The following MCUR1 variants were observed in gnomAD, a reference collection of about 807,000 sequenced individuals.
MCUR1 encodes MCU regulator 1.
MCUR1 carries 37 observed loss-of-function variants against 42.0 expected under a neutral mutation model. The ratio of observed to expected loss-of-function variants is 0.88; its 90% CI spans 0.68 to 1.16. The LOEUF (loss-of-function observed/expected upper bound fraction) is 1.16. Among genes scored for constraint, MCUR1 ranks in the 50% most tolerant of loss-of-function variants. The pLI is 0.00. For missense variants in MCUR1, 469 were observed against 468.4 expected, an observed-to-expected ratio of 1.00 and a Z score of -0.01; for synonymous variants, 229 against 196.2, an observed-to-expected ratio of 1.17 and a Z score of -1.40.
intron 1 of MCUR1, 104 bp downstream of exon 1, chr6:13,813,911 T>G (rs1307025102): frequency 4.2e-6 from 5 of 1,176,694 alleles, no homozygotes; most frequent in Non-Finnish European, 5.3e-6. Flanking sequence ...GGACCCGCCC[T>G]CCGGCCTGCC....
At position 13,792,009 on chromosome 6, in the gene MCUR1, A is replaced by C. The variant is rs779772824; in HGVS notation, c.910-17T>G. ...CTGGGCATGCTTTTAAAATGAAGAGAGTCACAGCGTTAGACCACAGCACGT... is the reference window on the plus strand; with the variant it reads ...CTGGGCATGCTTTTAAAATGAAGAGCGTCACAGCGTTAGACCACAGCACGT... On this transcript the variant is annotated splice_polypyrimidine_tract_variant and intron_variant, in intron 7 of 8. Transcript: ENST00000379170. 1.0e-5 allele frequency: 16 copies of C among 1,596,218 alleles called. No homozygotes were observed. Among genetic ancestry groups the C allele is most frequent in the Non-Finnish European group, 1.4e-5 (16 of 1,164,426 alleles).
intron 1 of MCUR1, 143 bp downstream of exon 1, chr6:13,813,872 C>T: frequency 1.1e-6 from 1 of 909,682 alleles, no homozygotes; most frequent in Non-Finnish European, 1.4e-6. Flanking sequence ...CTTCGACCCA[C>T]GCTCCGGGCA....
intron 6 of MCUR1, 88 bp downstream of exon 6, chr6:13,798,745 T>G (rs1381043936): frequency 9.9e-6 from 9 of 904,854 alleles, no homozygotes; most frequent in Non-Finnish European, 1.6e-5. Context: ...TAACAGTACC[T>G]ATGACATGTA....
chr6:13,797,673 A>C (rs1759888134), intron 6 of MCUR1, among the ~76,000 whole-genome samples: 1 of 149,888 alleles, frequency 6.7e-6, no homozygotes, highest in Non-Finnish European at 1.5e-5. Flanking sequence ...ACACCACTGC[A>C]CTCCAGCCTG....
intron 4 of MCUR1, among the ~76,000 whole-genome samples, chr6:13,800,748 C>T (rs754764958): frequency 1.3e-5 from 2 of 152,186 alleles, no homozygotes; most frequent in Non-Finnish European, 2.9e-5. Flanking sequence ...TCTTACAAGG[C>T]TAGGGTCAAC....
Position 13,809,663 on chromosome 6 carries a change from G to A in MCUR1, c.416-2619C>T, listed in dbSNP as rs575549130. On this transcript the variant is annotated intron_variant, in intron 1 of 8. Transcript: ENST00000379170. ...AATTCCAATACTTTGAGAGGCCAAG[G>A]TGGGAAGATCACTTGAGGCCAGGTA... Among the ~76,000 whole-genome samples the A allele has an allele frequency of 5.5e-4, 84 of 151,576 alleles. 1 individual carries two copies. The South Asian group carries it at 0.017, about 30-fold the overall frequency.
Position 13,809,286 on chromosome 6 carries a change from A to ATACTTTAAGTACATTG in MCUR1, c.416-2258_416-2243dup, listed in dbSNP as rs1259932783. 2.0e-5 allele frequency among the ~76,000 whole-genome samples: 3 copies of ATACTTTAAGTACATTG among 152,202 alleles called. No homozygotes were observed. The South Asian group carries it at 6.2e-4, about 32-fold the overall frequency. On this transcript the variant is annotated intron_variant, in intron 1 of 8. Coordinates refer to ENST00000379170, the MANE Select transcript of MCUR1 (RefSeq NM_001031713.4). ...GGAACATTATACTTTAAAGTACATT[A>ATACTTTAAGTACATTG]TACTTTAAGTACATTGTACTTTTTA...
Position 13,814,315 on chromosome 6 carries a change from G to C in MCUR1, c.115C>G (p.Arg39Gly), listed in dbSNP as rs747319989. Reference protein sequence around the residue: ...GRPGGSETSARRCLSALSDGL... With the variant: ...GRPGGSETSAGRCLSALSDGL... ...TCGGAGAGCGCAGAGAGGCAGCGGC[G>C]TGCTGAGGTTTCGCTGCCGCCCGGT... is the stretch of plus-strand genomic sequence containing the variant. The change falls in exon 1 of 9, where the codon CGC becomes GGC. Residue 39 changes from arginine to glycine, a missense_variant. Coordinates refer to ENST00000379170, the MANE Select transcript of MCUR1 (RefSeq NM_001031713.4). 16 of 1,506,200 alleles carry C rather than the reference G, an allele frequency of 1.1e-5. No individual in the cohort carries two copies. Among genetic ancestry groups the C allele is most frequent in the African/African-American group, 1.4e-5 (1 of 69,324 alleles). The allele number at this position is 1,506,200 out of a possible 1,614,324, so 93.3% of individuals were successfully genotyped here.
chr6:13,814,266 C>T lies in MCUR1; in HGVS notation c.164G>A (p.Arg55His), dbSNP rs960507012. The change falls in exon 1 of 9, where the codon CGC becomes CAC. Residue 55 changes from arginine (R) to histidine (H), a missense_variant. By Grantham distance (29) the Arg-to-His change is conservative (BLOSUM62 0). Coordinates refer to ENST00000379170, the MANE Select transcript of MCUR1 (RefSeq NM_001031713.4). The stretch of plus-strand genomic sequence containing the variant: ...CACGCCGCCGCGGGCCGCCGGGGCG[C>T]GAGGGCGCAGCGCCCCCAGACCGTC... ...LSDGLGALRP[R>H]APAARGGVSR... is the part of the protein sequence containing the mutation. 2.7e-6 allele frequency: 4 copies of T among 1,476,710 alleles called. No homozygotes were observed. The African/African-American group carries it at 4.4e-5, about 16-fold the overall frequency. The allele number at this position is 1,476,710 out of a possible 1,614,324, so 91.5% of individuals were successfully genotyped here. A position where few individuals can be genotyped will look rare whatever the true frequency, so the allele number is the denominator to read the frequency against.
chr6:13,814,306 G>A lies in MCUR1; in HGVS notation c.124C>T (p.Leu42Phe), dbSNP rs936480258. 1 of 1,505,186 alleles carries A rather than the reference G, an allele frequency of 6.6e-7. No homozygotes were observed. Among genetic ancestry groups the A allele is most frequent in the Non-Finnish European group, 8.8e-7 (1 of 1,133,204 alleles). 93.2% of individuals were successfully genotyped at this position (1,505,186 alleles called of 1,614,324 possible). A position where few individuals can be genotyped will look rare whatever the true frequency, so the allele number is the denominator to read the frequency against. Residue 42 changes from leucine (L) to phenylalanine (F), a missense_variant, in exon 1 of 9, where the codon CTC becomes TTC. By Grantham distance (22) the Leu-to-Phe change is conservative (BLOSUM62 0). Transcript: ENST00000379170. ...GGSETSARRC[L>F]SALSDGLGAL... ...CCCAGACCGTCGGAGAGCGCAGAGA[G>A]GCAGCGGCGTGCTGAGGTTTCGCTG...
rs1759613364 is a variant in MCUR1 at position 13,786,790 on chromosome 6, T to C, written c.*4019A>G. 1 of 152,208 alleles carries C rather than the reference T, an allele frequency of 6.6e-6. No homozygotes were observed. The highest frequency in any genetic ancestry group is 6.5e-5 in the Admixed American group (1 of 15,270). 9.4% of individuals were successfully genotyped at this position (152,208 alleles called of 1,614,324 possible). A position where few individuals can be genotyped will look rare whatever the true frequency, so the allele number is the denominator to read the frequency against. ...TTATTAGATAATAAAACATAATTGA[T>C]ATTTGCTTAAGTAACAAAAAAGTTA... On this transcript the variant is annotated 3_prime_UTR_variant, in exon 9 of 9. Transcript: ENST00000379170.
chr6:13,810,316 T>TA (rs1203162220), intron 1 of MCUR1, among the ~76,000 whole-genome samples: 1 of 152,040 alleles, frequency 6.6e-6, no homozygotes, highest in African/African-American at 2.4e-5. Context: ...AATATTGTAC[T>TA]AAAAAAGACA....
intron 1 of MCUR1, among the ~76,000 whole-genome samples, chr6:13,810,432 T>C (rs528731895): frequency 6.6e-6 from 1 of 152,268 alleles, no homozygotes; most frequent in South Asian, 2.1e-4. Flanking sequence ...TTTTCTAATT[T>C]TGCCGTTAAC....
At chr6:13,791,268 G>C (rs558135398) in intron 8 of MCUR1, among the ~76,000 whole-genome samples, 7 of 152,296 alleles carry the variant, frequency 4.6e-5, no homozygotes, top group Admixed American at 2.6e-4. Flanking sequence ...TTCAATAAAA[G>C]TTTCGAATAG....
intron 7 of MCUR1, 22 bp from the exon 8 acceptor site, chr6:13,792,014 C>T (rs1399161003): frequency 8.9e-6 from 14 of 1,575,576 alleles, no homozygotes; most frequent in East Asian, 4.5e-5. Context: ...AAGAGAGTCA[C>T]AGCGTTAGAC....
At chr6:13,796,912 G>A (rs1160829338) in intron 6 of MCUR1, among the ~76,000 whole-genome samples, 1 of 152,112 alleles carries the variant, frequency 6.6e-6, no homozygotes, top group Non-Finnish European at 1.5e-5. Flanking sequence ...AACCCATAAA[G>A]ATAAAGGTAA....
intron 6 of MCUR1, among the ~76,000 whole-genome samples, chr6:13,795,169 CA>C (rs1483347202): frequency 6.8e-6 from 1 of 147,580 alleles, no homozygotes; most frequent in Admixed American, 6.7e-5. Flanking sequence ...AAAACAAAAA[CA>C]AAAAACCCCA....
At chr6:13,806,776 C>A in intron 2 of MCUR1, 149 bp downstream of exon 2, 1 of 1,001,978 alleles carries the variant, frequency 1.0e-6, no homozygotes, top group Non-Finnish European at 1.4e-6. Flanking sequence ...GTGACAGAGC[C>A]AGAGCCTGTC....
chr6:13,808,525 T>C (rs60759710), intron 1 of MCUR1, among the ~76,000 whole-genome samples: 2,854 of 152,342 alleles, frequency 0.019, 99 homozygotes, highest in African/African-American at 0.066. Context: ...GTTTTTTCTT[T>C]TGTTGCCTGT....
Sources: gnomAD v4.1 joint callset for allele counts (sites outside exome capture counted in the v4.1 genomes callset) on GRCh38, gnomAD v4.1.1 for gene constraint, MANE v1.5 for transcripts, NCBI Gene and HGNC (gene_info 2026-07-23, HGNC 2026-07-21) for gene names.